Variants in APBB2 observed in about 807,000 individuals in gnomAD.
APBB2 encodes Fe65-like 1.
A neutral mutation model predicts 82.5 loss-of-function variants in APBB2; 38 were observed. That is an observed-to-expected ratio of 0.46 (90% CI 0.36 to 0.60). APBB2 has a LOEUF of 0.60. Ranked by LOEUF, APBB2 falls within the 20% of genes least tolerant of loss-of-function variation. The probability of loss-of-function intolerance (pLI) is 0.00; values close to 1 mark genes in which losing one functional copy is unlikely to be tolerated. For missense variants in APBB2, 772 were observed against 972.3 expected (o/e 0.79, Z 2.74); for synonymous variants, 341 against 368.2 (o/e 0.93, Z 0.85).
chr4:40,964,537 T>G (rs1351570771), intron 6 of APBB2, among the ~76,000 whole-genome samples: 1 of 152,072 alleles, frequency 6.6e-6, no homozygotes. Context: ...TGCCTTCTCA[T>G]GCAGTTCAAT....
At chr4:41,184,132 T>C (rs12640516) in intron 1 of APBB2, among the ~76,000 whole-genome samples, 28,492 of 151,912 alleles carry the variant, frequency 0.19, 2,824 homozygotes, top group East Asian at 0.28. Flanking sequence ...AGGCCACCAC[T>C]GATCTGACAG....
intron 6 of APBB2, among the ~76,000 whole-genome samples, chr4:40,950,524 T>G (rs112195126): frequency 3.9e-5 from 6 of 152,206 alleles, no homozygotes; most frequent in African/African-American, 1.4e-4. Flanking sequence ...CCAGCCTGGG[T>G]AACACAGGGA....
rs183424998 is a variant in APBB2 at position 41,101,645 on chromosome 4, A to G, written c.-260-895T>C. On this transcript the variant is annotated intron_variant, in intron 2 of 17. Transcript: ENST00000508593. ...TTCCTAATGAAACAGAAAATCTGACAATTCTAACCTCACTTATAACACGCT... is the reference window on the plus strand; with the variant it reads ...TTCCTAATGAAACAGAAAATCTGACGATTCTAACCTCACTTATAACACGCT... 5.3e-3 allele frequency among the ~76,000 whole-genome samples: 810 copies of G among 151,930 alleles called. 9 individuals are homozygous for G. The highest frequency in any genetic ancestry group is 0.018 in the African/African-American group (747 of 41,432).
At chr4:41,006,495 G>T (rs957474032) in intron 6 of APBB2, among the ~76,000 whole-genome samples, 1 of 151,798 alleles carries the variant, frequency 6.6e-6, no homozygotes, top group East Asian at 1.9e-4. Flanking sequence ...ATGGAGTCTC[G>T]CTGTGTTGTC....
chr4:41,031,691 CTTTAT>C (rs1716890748), intron 5 of APBB2, among the ~76,000 whole-genome samples: 1 of 152,084 alleles, frequency 6.6e-6, no homozygotes, highest in Admixed American at 6.5e-5. Context: ...CACTTGCCAG[CTTTAT>C]TTTAATGTTT....
At chr4:41,137,304 A>G (rs1476912269) in intron 2 of APBB2, among the ~76,000 whole-genome samples, 1 of 152,224 alleles carries the variant, frequency 6.6e-6, no homozygotes, top group Non-Finnish European at 1.5e-5. Context: ...ATTAAGACAG[A>G]GGTAATGAAA....
At chr4:40,946,810 C>T (rs935670419) in intron 6 of APBB2, among the ~76,000 whole-genome samples, 2 of 152,196 alleles carry the variant, frequency 1.3e-5, no homozygotes, top group Non-Finnish European at 2.9e-5. Context: ...AAGGAGAACA[C>T]GAGTGGGCCT....
intron 1 of APBB2, among the ~76,000 whole-genome samples, chr4:41,145,034 C>T (rs1002512753): frequency 2.6e-5 from 4 of 152,172 alleles, no homozygotes; most frequent in Non-Finnish European, 4.4e-5. Context: ...GTGGGAAGGT[C>T]ACTACAGCCT....
chr4:41,179,165 A>G (rs1226252231), intron 1 of APBB2, among the ~76,000 whole-genome samples: 1 of 152,234 alleles, frequency 6.6e-6, no homozygotes, highest in African/African-American at 2.4e-5. Context: ...CAAGTGTCAT[A>G]CAGTGTGAGG....
intron 3 of APBB2, among the ~76,000 whole-genome samples, chr4:41,070,463 C>T (rs1733423669): frequency 1.3e-5 from 2 of 152,010 alleles, no homozygotes; most frequent in Admixed American, 6.6e-5. Context: ...GCATGCACCA[C>T]CACACCCGAC....
intron 7 of APBB2, among the ~76,000 whole-genome samples, chr4:40,942,951 G>A (rs546856878): frequency 6.6e-6 from 1 of 152,282 alleles, no homozygotes; most frequent in South Asian, 2.1e-4. Context: ...TGCCCTCCTT[G>A]GAGTCCACAC....
chr4:40,944,723 C>A (rs534579490), intron 7 of APBB2, 142 bp downstream of exon 7: 174 of 759,584 alleles, frequency 2.3e-4, no homozygotes, highest in Non-Finnish European at 3.8e-4. Flanking sequence ...TAAGAGGAAG[C>A]ATTACTGAGA....
At chr4:41,159,949 G>GAAGA (rs1560912987) in intron 1 of APBB2, among the ~76,000 whole-genome samples, 3 of 59,030 alleles carry the variant, frequency 5.1e-5, no homozygotes, top group African/African-American at 8.1e-5. Flanking sequence ...GGAGGAGAAG[G>GAAGA]AGAAGGAGAA....
chr4:40,923,901 A>G (rs1224523234), intron 10 of APBB2, among the ~76,000 whole-genome samples: 3 of 152,236 alleles, frequency 2.0e-5, no homozygotes, highest in African/African-American at 7.2e-5. Flanking sequence ...GGAACACGGC[A>G]TTATGCTTGG....
At position 40,870,220 on chromosome 4, in the gene APBB2, C is replaced by T. The variant is rs147681279; in HGVS notation, c.1529+20144G>A. Among the ~76,000 whole-genome samples, 34 of 152,282 alleles carry T rather than the reference C, an allele frequency of 2.2e-4. No homozygotes were observed. The East Asian group carries it at 5.2e-3, about 23-fold the overall frequency. On this transcript the variant is annotated intron_variant, in intron 12 of 17. Coordinates refer to ENST00000508593, the MANE Select transcript of APBB2 (RefSeq NM_004307.2). ...GAAATGCTCCAGGAATCTCAACAAG[C>T]AGCCTCCTCTGCCTCCAGCCCACTG...
Position 40,826,317 on chromosome 4 carries a change from A to C in APBB2, c.1733-347T>G, listed in dbSNP as rs1749904294. Among the ~76,000 whole-genome samples the C allele has an allele frequency of 1.3e-5, 2 of 152,000 alleles. No homozygotes were observed. The highest frequency in any genetic ancestry group is 1.3e-4 in the Admixed American group (2 of 15,262). ...GATGCCCAGAGAAAATGTAACCTCA[A>C]AGGGCACAATCAGAGACATAGGAAG... On this transcript the variant is annotated intron_variant, in intron 14 of 17. Coordinates refer to ENST00000508593, the MANE Select transcript of APBB2 (RefSeq NM_004307.2). This position sits in a 1 kb window ranked among gnomAD's most constrained non-coding sequence, Gnocchi z 4.5.
At chr4:41,110,820 C>A (rs1748939109) in intron 2 of APBB2, among the ~76,000 whole-genome samples, 1 of 152,110 alleles carries the variant, frequency 6.6e-6, no homozygotes, top group South Asian at 2.1e-4. Context: ...TCGTGAAAGA[C>A]AATTTTTCCC....
chr4:40,918,469 C>T (rs1780382690), intron 10 of APBB2, among the ~76,000 whole-genome samples: 2 of 152,232 alleles, frequency 1.3e-5, no homozygotes, highest in African/African-American at 2.4e-5. Flanking sequence ...ACACTATTTA[C>T]CCACAGCCTA....
intron 5 of APBB2, among the ~76,000 whole-genome samples, chr4:41,015,863 C>G (rs1221885953): frequency 6.6e-6 from 1 of 152,060 alleles, no homozygotes; most frequent in Non-Finnish European, 1.5e-5. Context: ...TCAAAATTTC[C>G]TTTTCCTCCA....
Sources: allele counts gnomAD v4.1 joint callset (sites outside exome capture counted in the v4.1 genomes callset), GRCh38; gene constraint gnomAD v4.1.1; non-coding constraint Gnocchi (gnomAD v3.1); transcripts MANE v1.5; gene names NCBI Gene and HGNC (gene_info 2026-07-23, HGNC 2026-07-21).